The following TCF12 variants were observed in gnomAD, a reference collection of about 807,000 sequenced individuals.
TCF12 encodes the protein DNA-binding protein HTF4.
TCF12 carries 45 observed loss-of-function variants against 86.0 expected under a neutral mutation model. That is an observed-to-expected ratio of 0.52 (90% CI 0.41 to 0.67). The LOEUF (loss-of-function observed/expected upper bound fraction) is 0.67, where lower values mean the gene tolerates loss of function less well. Among genes scored for constraint, TCF12 ranks in the 30% least tolerant of loss-of-function variants. The pLI is 0.00. For missense variants in TCF12, 881 were observed against 859.9 expected (o/e 1.02, Z -0.31); for synonymous variants, 330 against 299.6 (o/e 1.10, Z -1.05).
chr15:56,964,646 A>G (rs1318355622), intron 3 of TCF12, among the ~76,000 whole-genome samples: 1 of 152,228 alleles, frequency 6.6e-6, no homozygotes, highest in Admixed American at 6.5e-5. Context: ...TATGTATTAA[A>G]TCATTTGGAG....
intron 3 of TCF12, among the ~76,000 whole-genome samples, chr15:56,921,381 T>A (rs1317472123): frequency 6.6e-6 from 1 of 152,038 alleles, no homozygotes; most frequent in Non-Finnish European, 1.5e-5. Context: ...AAGTATTAGA[T>A]GACTGAATCC....
chr15:57,256,283 T>C (rs1280377905), intron 16 of TCF12, among the ~76,000 whole-genome samples: 2 of 152,204 alleles, frequency 1.3e-5, no homozygotes, highest in Admixed American at 6.5e-5. Flanking sequence ...GACTGTCTTA[T>C]CGTGGTGGTT....
In TCF12 at chr15:57,252,498, A is replaced by G. The variant is rs748617302; in HGVS notation, c.1260+6A>G. 6.2e-7 allele frequency: 1 copy of G among 1,612,378 alleles called. No homozygotes were observed. The highest frequency in any genetic ancestry group is 8.5e-7 in the Non-Finnish European group (1 of 1,178,822). On this transcript the variant is annotated splice_donor_region_variant and intron_variant, in intron 15 of 20. Coordinates refer to ENST00000333725, the MANE Select transcript of TCF12 (RefSeq NM_207037.2). ...TCTTAAAGGATGTCTGTGAGGTACTATTTCTTTTAGATGGTGCCTTTTTTG... is the reference window on the plus strand; with the variant it reads ...TCTTAAAGGATGTCTGTGAGGTACTGTTTCTTTTAGATGGTGCCTTTTTTG...
chr15:56,962,542 A>C (rs796941541), intron 3 of TCF12, among the ~76,000 whole-genome samples: 1 of 152,238 alleles, frequency 6.6e-6, no homozygotes, highest in Admixed American at 6.5e-5. Flanking sequence ...TCCCAGAAAC[A>C]TGAAGAAAAA....
chr15:57,201,088 G>A (rs2057521935), intron 8 of TCF12, among the ~76,000 whole-genome samples: 1 of 152,154 alleles, frequency 6.6e-6, no homozygotes, highest in Admixed American at 6.5e-5. Context: ...TGATGAAGAA[G>A]TGATGTTTTT....
chr15:57,141,391 C>T (rs1171513276), intron 5 of TCF12, among the ~76,000 whole-genome samples: 1 of 152,148 alleles, frequency 6.6e-6, no homozygotes, highest in African/African-American at 2.4e-5. Flanking sequence ...CTCTTGATGC[C>T]CAGGCTGGAG....
At chr15:57,179,421 GA>G (rs2056181229) in intron 6 of TCF12, among the ~76,000 whole-genome samples, 1 of 152,196 alleles carries the variant, frequency 6.6e-6, no homozygotes, top group East Asian at 1.9e-4. Context: ...CCAGGAGGTG[GA>G]GGCTGCAGTG....
At chr15:57,174,441 CTA>C (rs759657847) in intron 6 of TCF12, among the ~76,000 whole-genome samples, 8 of 152,166 alleles carry the variant, frequency 5.3e-5, no homozygotes, top group Non-Finnish European at 1.2e-4. Flanking sequence ...TGAAAAAAAT[CTA>C]TGGCTAACAG....
chr15:57,009,309 C>T (rs867088024), intron 3 of TCF12, among the ~76,000 whole-genome samples: 1 of 151,994 alleles, frequency 6.6e-6, no homozygotes, highest in East Asian at 1.9e-4. Context: ...TGGGGTTTTG[C>T]CATGTTGCCC....
chr15:57,242,527 C>A (rs899259682), intron 12 of TCF12, among the ~76,000 whole-genome samples: 1 of 152,066 alleles, frequency 6.6e-6, no homozygotes, highest in Non-Finnish European at 1.5e-5. Flanking sequence ...GTTAGCTCGG[C>A]ATGGTGGCAT....
chr15:57,233,176 GTTGT>G (rs1407592970), intron 11 of TCF12, among the ~76,000 whole-genome samples: 4 of 150,994 alleles, frequency 2.6e-5, no homozygotes, highest in East Asian at 1.9e-4. Context: ...ATATATGTAT[GTTGT>G]TTGTTTGTTT....
At chr15:57,194,007 C>T (rs2057120186) in intron 7 of TCF12, among the ~76,000 whole-genome samples, 1 of 152,094 alleles carries the variant, frequency 6.6e-6, no homozygotes, top group Non-Finnish European at 1.5e-5. Flanking sequence ...GGAGTCTAGA[C>T]GTGTCAGTGT....
intron 6 of TCF12, among the ~76,000 whole-genome samples, chr15:57,171,819 T>C (rs2055524539): frequency 6.6e-6 from 1 of 152,232 alleles, no homozygotes. Flanking sequence ...TTATTAATAA[T>C]AGGTATATCA....
rs2059618419 is a variant in TCF12 at position 56,918,904 on chromosome 15, C to A, written c.-25C>A. 1.3e-5 allele frequency: 2 copies of A among 152,644 alleles called. No homozygotes were observed. The highest frequency in any genetic ancestry group is 4.8e-5 in the African/African-American group (2 of 41,462). 9.5% of individuals were successfully genotyped at this position (152,644 alleles called of 1,614,324 possible). On this transcript the variant is annotated splice_region_variant and 5_prime_UTR_variant, in exon 1 of 21. Coordinates refer to ENST00000333725, the MANE Select transcript of TCF12 (RefSeq NM_207037.2). ...GTGGTTGGATGCGGAGACGGGGCGG[C>A]AGGTAATTGCGGGCTAGCGAGCGGG...
intron 8 of TCF12, among the ~76,000 whole-genome samples, chr15:57,200,057 T>TC: frequency 6.6e-6 from 1 of 150,888 alleles, no homozygotes; most frequent in East Asian, 1.9e-4. Flanking sequence ...TTTTTTTTTT[T>TC]TTTTGTAGAG....
At chr15:57,074,384 G>A (rs1596397108) in intron 4 of TCF12, among the ~76,000 whole-genome samples, 1 of 143,460 alleles carries the variant, frequency 7.0e-6, no homozygotes, top group South Asian at 2.3e-4. Flanking sequence ...AAAAAAAGAT[G>A]TTAGGAATTT....
intron 5 of TCF12, among the ~76,000 whole-genome samples, chr15:57,110,084 G>T (rs2050387460): frequency 6.6e-6 from 1 of 152,144 alleles, no homozygotes; most frequent in South Asian, 2.1e-4. Context: ...CCAGCAAGTT[G>T]TAAAGATACA....
chr15:57,276,796 CTTTTTTTTTT>C (rs2061417271), intron 19 of TCF12, among the ~76,000 whole-genome samples: 9 of 134,474 alleles, frequency 6.7e-5, no homozygotes, highest in South Asian at 4.9e-4. Flanking sequence ...TTTTTTTTTT[CTTTTTTTTTT>C]CCTTTTTTTT....
chr15:57,117,267 A>G (rs1352268349), intron 5 of TCF12, among the ~76,000 whole-genome samples: 4 of 152,074 alleles, frequency 2.6e-5, no homozygotes, highest in Admixed American at 2.6e-4. Context: ...GTTGGGCTCA[A>G]ACAATCCCCC....
Sources: gnomAD v4.1 joint callset for allele counts (sites outside exome capture counted in the v4.1 genomes callset) on GRCh38, gnomAD v4.1.1 for gene constraint, MANE v1.5 for transcripts, NCBI Gene and HGNC (gene_info 2026-07-23, HGNC 2026-07-21) for gene names.